The following ERC1 variants were observed in gnomAD, a reference collection of about 807,000 sequenced individuals.
The protein encoded by ERC1 is ELKS/RAB6-interacting/CAST family member 1.
A neutral mutation model predicts 132.0 loss-of-function variants in ERC1; 56 were observed. That is an observed-to-expected ratio of 0.42 (90% confidence interval 0.34 to 0.53). The LOEUF is 0.53. ERC1 is among the 20% of genes least tolerant of loss of function. The pLI is 0.03. For synonymous variants in ERC1, 478 were observed against 476.1 expected (o/e 1.00, Z -0.05); for missense variants, 1,202 against 1,349.9 (o/e 0.89, Z 1.72).
chr12:1,344,600 C>G (rs912291167), intron 15 of ERC1, among the ~76,000 whole-genome samples: 3 of 152,152 alleles, frequency 2.0e-5, no homozygotes, highest in African/African-American at 4.8e-5. Flanking sequence ...TTAAAAGATA[C>G]AGTTAAAAAG....
At chr12:1,484,038 G>T (rs1400366289) in intron 18 of ERC1, among the ~76,000 whole-genome samples, 1 of 149,864 alleles carries the variant, frequency 6.7e-6, no homozygotes, top group Admixed American at 6.6e-5. Context: ...GGGCGTGGTG[G>T]CTCACGCCTG....
At chr12:1,054,489 A>G (rs1228135893) in intron 2 of ERC1, among the ~76,000 whole-genome samples, 3 of 151,710 alleles carry the variant, frequency 2.0e-5, no homozygotes, top group Admixed American at 2.0e-4. Context: ...TTTGGCTACT[A>G]GATATATTTA....
chr12:1,013,382 A>G lies in ERC1; in HGVS notation c.-156-14366A>G, dbSNP rs375697299. On this transcript the variant is annotated intron_variant, in intron 1 of 18. Transcript: ENST00000360905. ...AACTTATAATTAACTTGATTAATTGATAAGAATTATTAAAAACTGCAGTTA... is the reference window on the plus strand; with the variant it reads ...AACTTATAATTAACTTGATTAATTGGTAAGAATTATTAAAAACTGCAGTTA... 1.1e-4 allele frequency among the ~76,000 whole-genome samples: 16 copies of G among 152,288 alleles called. No individual in the cohort carries two copies. In the South Asian group the frequency reaches 2.9e-3, roughly 28 times the overall value.
intron 7 of ERC1, among the ~76,000 whole-genome samples, chr12:1,136,805 C>T (rs891586739): frequency 1.3e-5 from 2 of 151,916 alleles, no homozygotes; most frequent in Non-Finnish European, 2.9e-5. Context: ...TTTCCTCTTC[C>T]TAGATATCCA....
rs2085842638 is a variant in ERC1, at chr12:1,359,257, TTC to T, written c.2781-12574_2781-12573del. 2.0e-5 allele frequency among the ~76,000 whole-genome samples: 3 copies of T among 152,030 alleles called. No individual in the cohort carries two copies. In the South Asian group the frequency reaches 6.2e-4, roughly 32 times the overall value. On this transcript the variant is annotated intron_variant, in intron 15 of 18. Coordinates refer to ENST00000360905, the MANE Select transcript of ERC1 (RefSeq NM_178040.4). ...AAATTAAACATATTTTCTTTACGAGTTCTGTCAAAATAGGTAGACATGAGGTA... is the reference window on the plus strand; with the variant it reads ...AAATTAAACATATTTTCTTTACGAGTTGTCAAAATAGGTAGACATGAGGTA...
At chr12:1,210,382 G>C (rs1363588482) in intron 12 of ERC1, among the ~76,000 whole-genome samples, 3 of 152,202 alleles carry the variant, frequency 2.0e-5, no homozygotes, top group Non-Finnish European at 4.4e-5. Flanking sequence ...TTTTTAAGCT[G>C]CAGTGTTTAT....
intron 12 of ERC1, among the ~76,000 whole-genome samples, chr12:1,208,457 A>ACACCCCT (rs1957540352): frequency 6.6e-6 from 1 of 152,174 alleles, no homozygotes; most frequent in South Asian, 2.1e-4. Flanking sequence ...AAAAGATTAG[A>ACACCCCT]CACCCCTGCT....
chr12:1,167,815 CCAG>C (rs1432181368), intron 8 of ERC1, among the ~76,000 whole-genome samples: 1 of 151,424 alleles, frequency 6.6e-6, no homozygotes, highest in African/African-American at 2.4e-5. Flanking sequence ...CTCCTGGGTT[CCAG>C]CAGTTCCCCT....
chr12:1,424,783 G>A (rs1328597365), intron 17 of ERC1, among the ~76,000 whole-genome samples: 1 of 149,010 alleles, frequency 6.7e-6, no homozygotes, highest in Non-Finnish European at 1.5e-5. Flanking sequence ...GTCTTGAGAA[G>A]AGCTTGAGAT....
At chr12:1,231,832 C>T (rs60257878) in intron 12 of ERC1, among the ~76,000 whole-genome samples, 65,174 of 151,976 alleles carry the variant, frequency 0.43, 15,735 homozygotes, top group African/African-American at 0.65. Context: ...CTCTGCCTCC[C>T]GGGTTCTAGC....
chr12:1,010,635 T>C (rs1348243774), intron 1 of ERC1, among the ~76,000 whole-genome samples: 1 of 151,500 alleles, frequency 6.6e-6, no homozygotes, highest in Non-Finnish European at 1.5e-5. Flanking sequence ...CTCAGCCTCC[T>C]GAGTAGCTGG....
intron 12 of ERC1, among the ~76,000 whole-genome samples, chr12:1,214,469 C>G (rs1958180492): frequency 6.6e-6 from 1 of 152,068 alleles, no homozygotes; most frequent in Non-Finnish European, 1.5e-5. Context: ...TAGCATAGCG[C>G]TAGAGTTAGA....
chr12:1,482,842 G>A (rs938669335), intron 18 of ERC1, among the ~76,000 whole-genome samples: 2 of 152,226 alleles, frequency 1.3e-5, no homozygotes, highest in African/African-American at 4.8e-5. Context: ...TCTCAGAGTT[G>A]TGCAGCCATC....
intron 15 of ERC1, among the ~76,000 whole-genome samples, chr12:1,341,737 C>T (rs990472931): frequency 6.6e-6 from 1 of 152,046 alleles, no homozygotes; most frequent in Non-Finnish European, 1.5e-5. Context: ...GTGCAGCAAA[C>T]CAACATGGCA....
chr12:1,199,328 A>G (rs561889502), intron 12 of ERC1, among the ~76,000 whole-genome samples: 1 of 152,368 alleles, frequency 6.6e-6, no homozygotes, highest in African/African-American at 2.4e-5. Context: ...GAGCCAAACC[A>G]TGTCACTCAT....
intron 16 of ERC1, among the ~76,000 whole-genome samples, chr12:1,389,290 A>G (rs1038373200): frequency 1.3e-5 from 2 of 152,244 alleles, no homozygotes; most frequent in Non-Finnish European, 2.9e-5. Flanking sequence ...GCTCCAGGTA[A>G]AGATGAGAGC....
chr12:1,354,482 C>T (rs1235598147), intron 15 of ERC1, among the ~76,000 whole-genome samples: 5 of 151,638 alleles, frequency 3.3e-5, no homozygotes, highest in African/African-American at 7.3e-5. Flanking sequence ...GAGATTGCCC[C>T]GTTGCATTCC....
chr12:1,481,182 G>A (rs2094083932), intron 18 of ERC1, among the ~76,000 whole-genome samples: 2 of 152,228 alleles, frequency 1.3e-5, no homozygotes, highest in Admixed American at 1.3e-4. Context: ...GCAGTTGACT[G>A]AGGGTAATTG....
At chr12:1,341,093 T>C (rs1413765316) in intron 15 of ERC1, among the ~76,000 whole-genome samples, 29 of 86,714 alleles carry the variant, frequency 3.3e-4, no homozygotes, top group African/African-American at 1.2e-3. Context: ...TTTTTTTTTT[T>C]TTTTTTTTTT....
Sources: gnomAD v4.1 joint callset for allele counts (sites outside exome capture counted in the v4.1 genomes callset) on GRCh38, gnomAD v4.1.1 for gene constraint, MANE v1.5 for transcripts, NCBI Gene and HGNC (gene_info 2026-07-23, HGNC 2026-07-21) for gene names.